Variants in SFSWAP observed in about 807,000 individuals in gnomAD.
SFSWAP encodes splicing factor, suppressor of white-apricot homolog.
A neutral mutation model predicts 100.7 loss-of-function variants in SFSWAP; 17 were observed. The observed-to-expected ratio is 0.17, with a 90% CI of 0.12 to 0.25. The LOEUF is 0.25. Ranked by LOEUF, SFSWAP falls within the 10% of genes least tolerant of loss-of-function variation. The pLI is 1.00. For synonymous variants in SFSWAP, 504 were observed against 510.1 expected (o/e 0.99, Z 0.16); for missense variants, 1,005 against 1,262.6 (o/e 0.80, Z 3.09).
Position 131,793,149 on chromosome 12 carries a change from G to C in SFSWAP, c.2535-4029G>C, listed in dbSNP as rs1392707744. On this transcript the variant is annotated intron_variant, in intron 15 of 17. Coordinates refer to ENST00000261674, the MANE Select transcript of SFSWAP (RefSeq NM_004592.4). ...TTGCCCAAGCTGGAGTGCAGCAGTG[G>C]TGTGATCTCGACTCAGCCCGGCTGA... Among the ~76,000 whole-genome samples the C allele has an allele frequency of 3.9e-5, 6 of 152,212 alleles. No individual in the cohort carries two copies. In the East Asian group the frequency reaches 1.2e-3, roughly 29 times the overall value.
chr12:131,768,076 C>T (rs999992245), intron 13 of SFSWAP, among the ~76,000 whole-genome samples: 2 of 152,230 alleles, frequency 1.3e-5, no homozygotes, highest in Admixed American at 1.3e-4. Flanking sequence ...CGTTGACCCA[C>T]GCGTGCTCGC....
intron 14 of SFSWAP, among the ~76,000 whole-genome samples, chr12:131,782,660 T>C (rs1884584792): frequency 6.6e-6 from 1 of 152,220 alleles, no homozygotes; most frequent in African/African-American, 2.4e-5. Flanking sequence ...CTATATAAAA[T>C]ACAGAAAGTT....
In SFSWAP at chr12:131,734,544, G is replaced by A. The variant is rs187058875; in HGVS notation, c.1081+6116G>A. ...TTACGGTTTTGAGTTACACAGACAT[G>A]TGTGGGCTTGTGCATGTTTGAATGC... is the stretch of plus-strand genomic sequence containing the variant. On this transcript the variant is annotated intron_variant, in intron 7 of 17. Coordinates refer to ENST00000261674, the MANE Select transcript of SFSWAP (RefSeq NM_004592.4). This position sits in a 1 kb window ranked among gnomAD's most constrained non-coding sequence, Gnocchi z 4.9. Among the ~76,000 whole-genome samples the A allele has an allele frequency of 6.0e-5, 9 of 148,854 alleles. No individual in the cohort carries two copies. Among genetic ancestry groups the A allele is most frequent in the Middle Eastern group, 6.8e-3 (2 of 294 alleles).
chr12:131,715,052 C>G, intron 3 of SFSWAP, 99 bp downstream of exon 3: 1 of 1,208,188 alleles, frequency 8.3e-7, no homozygotes, highest in Non-Finnish European at 1.2e-6. Context: ...CTCTGGCACT[C>G]ATGATAGCAC....
chr12:131,714,113 T>C lies in SFSWAP; in HGVS notation c.261T>C (p.Asp87=). 1.9e-6 allele frequency: 3 copies of C among 1,613,980 alleles called. No homozygotes were observed. Among genetic ancestry groups the C allele is most frequent in the Non-Finnish European group, 2.5e-6 (3 of 1,179,960 alleles). The change falls in exon 2 of 18, where the codon GAT becomes GAC. Residue 87 remains aspartate (D), a synonymous_variant. Coordinates refer to ENST00000261674, the MANE Select transcript of SFSWAP (RefSeq NM_004592.4). This position sits in a 1 kb window ranked among gnomAD's most constrained non-coding sequence, Gnocchi z 6.0. The part of the protein sequence containing the change: ...RGHLHDLSEY[D]AEYSTWNRDY... Reference sequence around the variant, plus strand: ...ACCTGCATGACCTTTCTGAGTACGATGCTGAGTATTCCACGTGGAACAGAG... The same window carrying C: ...ACCTGCATGACCTTTCTGAGTACGACGCTGAGTATTCCACGTGGAACAGAG...
intron 14 of SFSWAP, chr12:131,785,279 G>T (rs1375887924): frequency 3.4e-5 from 46 of 1,361,662 alleles, no homozygotes; most frequent in Non-Finnish European, 3.8e-5. Context: ...CTTAGGAAAG[G>T]TCTGGGAAAA....
chr12:131,771,677 C>T (rs1163852552), intron 13 of SFSWAP, among the ~76,000 whole-genome samples: 21 of 110,278 alleles, frequency 1.9e-4, no homozygotes, highest in African/African-American at 6.7e-4. Context: ...TTTTTTGAGA[C>T]GGAGTCTCGC....
At chr12:131,765,869 C>T (rs1357260164) in intron 12 of SFSWAP, among the ~76,000 whole-genome samples, 1 of 152,112 alleles carries the variant, frequency 6.6e-6, no homozygotes. Flanking sequence ...GAGAGCCACT[C>T]TGAGGTTTTC....
rs184007910 is a variant in SFSWAP, at chr12:131,786,285, G to A, written c.2409-178G>A. Among the ~76,000 whole-genome samples the A allele has an allele frequency of 3.9e-5, 6 of 152,306 alleles. 1 individual carries two copies. Among genetic ancestry groups the A allele is most frequent in the South Asian group, 2.1e-4 (1 of 4,828 alleles). On this transcript the variant is annotated intron_variant, in intron 14 of 17. Transcript: ENST00000261674. ...TGAGATTGGATTCGGGTTTCAGTTC[G>A]TTGTCGGTAAAGTAGTGAAGTGTGG... is the stretch of plus-strand genomic sequence containing the variant.
intron 15 of SFSWAP, among the ~76,000 whole-genome samples, chr12:131,793,236 C>T (rs1288080538): frequency 6.6e-6 from 1 of 152,022 alleles, no homozygotes; most frequent in Admixed American, 6.6e-5. Flanking sequence ...CACACACCAC[C>T]ATGCCCAGCT....
rs774170310 is a variant in SFSWAP, at chr12:131,714,874, T to C, written c.441T>C (p.Asn147=). 1.9e-5 allele frequency: 31 copies of C among 1,614,056 alleles called. No individual in the cohort carries two copies. The Admixed American group carries it at 5.2e-4, about 27-fold the overall frequency. ...CACTAGCAGAGGATGGGAGCTACAA[T>C]GCCGTGGGGTTCACTTACGGTAGCG... ...SEALAEDGSY[N]AVGFTYGSDY... Residue 147 remains asparagine (N), a synonymous_variant, in exon 3 of 18, where the codon AAT becomes AAC. Transcript: ENST00000261674. The surrounding 1 kb of genome is among the most constrained non-coding windows in gnomAD (Gnocchi z 6.0).
chr12:131,765,535 C>G (rs573492403), intron 12 of SFSWAP, among the ~76,000 whole-genome samples: 8 of 152,050 alleles, frequency 5.3e-5, no homozygotes, highest in Non-Finnish European at 8.8e-5. Flanking sequence ...GTAATCCCAG[C>G]TACTTGGGAG....
intron 7 of SFSWAP, among the ~76,000 whole-genome samples, chr12:131,751,699 C>A (rs561766775): frequency 6.6e-6 from 1 of 152,220 alleles, no homozygotes; most frequent in African/African-American, 2.4e-5. Flanking sequence ...CAGGTCAGTT[C>A]GTTGGTCCAG....
At chr12:131,797,396 A>G (rs1423933505) in intron 16 of SFSWAP, 36 bp downstream of exon 16, 1 of 1,569,290 alleles carries the variant, frequency 6.4e-7, no homozygotes, top group Non-Finnish European at 8.7e-7. Flanking sequence ...CTCTGGGGAA[A>G]GGCAAGGGGC....
At chr12:131,715,065 C>A in intron 3 of SFSWAP, 112 bp downstream of exon 3, 2 of 1,057,196 alleles carry the variant, frequency 1.9e-6, no homozygotes, top group Non-Finnish European at 2.8e-6. Flanking sequence ...GATAGCACCA[C>A]TATGACCACA....
At chr12:131,747,037 G>A (rs1881190573) in intron 7 of SFSWAP, among the ~76,000 whole-genome samples, 1 of 151,164 alleles carries the variant, frequency 6.6e-6, no homozygotes, top group South Asian at 2.1e-4. Context: ...CCGGGAGGCA[G>A]AGCTTGCAGT....
In SFSWAP at chr12:131,799,268, G is replaced by C. The variant is rs535314346; in HGVS notation, c.2791-155G>C. Among the ~76,000 whole-genome samples, 8 of 152,250 alleles carry C rather than the reference G, an allele frequency of 5.3e-5. No homozygotes were observed. The South Asian group carries it at 6.2e-4, about 12-fold the overall frequency. On this transcript the variant is annotated intron_variant, in intron 17 of 17. Transcript: ENST00000261674. ...TCTGGGTGAGGCCGAGGGCAAAGCC[G>C]TGTGGCCCGCACCCTGCACAGCCAG...
chr12:131,727,841 C>T (rs796291101), intron 6 of SFSWAP, among the ~76,000 whole-genome samples: 13 of 152,230 alleles, frequency 8.5e-5, no homozygotes, highest in African/African-American at 2.6e-4. Context: ...CTGCCATTCG[C>T]GACATAAAAA....
intron 14 of SFSWAP, among the ~76,000 whole-genome samples, chr12:131,779,122 C>G (rs1006157563): frequency 8.7e-5 from 13 of 149,274 alleles, no homozygotes; most frequent in Admixed American, 7.9e-4. Flanking sequence ...GTGCCACACT[C>G]TGCACACACT....
Sources: gnomAD v4.1 joint callset for allele counts (sites outside exome capture counted in the v4.1 genomes callset) on GRCh38, gnomAD v4.1.1 for gene constraint, Gnocchi (gnomAD v3.1) non-coding constraint, MANE v1.5 for transcripts, NCBI Gene and HGNC (gene_info 2026-07-23, HGNC 2026-07-21) for gene names.